The following MTTP variants were observed in gnomAD, a reference collection of about 807,000 sequenced individuals.
The protein encoded by MTTP is microsomal triglyceride transfer protein large subunit.
In MTTP, 49 loss-of-function variants were observed where a neutral mutation model predicts 90.6. The ratio of observed to expected loss-of-function variants is 0.54; its 90% CI spans 0.43 to 0.69. The LOEUF (loss-of-function observed/expected upper bound fraction) is 0.69. Among genes scored for constraint, MTTP ranks in the 30% least tolerant of loss-of-function variants. The pLI is 0.00. For missense variants in MTTP, 945 were observed against 1,067.5 expected, an observed-to-expected ratio of 0.89 and a Z score of 1.60; for synonymous variants, 347 against 384.2, an observed-to-expected ratio of 0.90 and a Z score of 1.13.
intron 8 of MTTP, among the ~76,000 whole-genome samples, chr4:99,600,244 C>CT (rs1302477126): frequency 6.6e-6 from 1 of 152,068 alleles, no homozygotes; most frequent in African/African-American, 2.4e-5. Context: ...AGAATTTGAA[C>CT]TTAATTTATA....
intron 10 of MTTP, among the ~76,000 whole-genome samples, chr4:99,605,225 G>A (rs543331034): frequency 6.6e-6 from 1 of 151,494 alleles, no homozygotes; most frequent in Non-Finnish European, 1.5e-5. Flanking sequence ...CTTCCTCTAG[G>A]TAAAAAAAAT....
rs1726291866 is a variant in MTTP, at chr4:99,623,334, T to A, written c.*486T>A. 6.1e-6 allele frequency: 1 copy of A among 162,838 alleles called. No homozygotes were observed. Among genetic ancestry groups the A allele is most frequent in the African/African-American group, 2.4e-5 (1 of 41,492 alleles). The allele number at this position is 162,838 out of a possible 1,614,324, so 10.1% of individuals were successfully genotyped here. A position where few individuals can be genotyped will look rare whatever the true frequency, so the allele number is the denominator to read the frequency against. On this transcript the variant is annotated 3_prime_UTR_variant, in exon 18 of 18. Transcript: ENST00000265517. Reference sequence around the variant, plus strand: ...CACAAACAAACCATTTTTTTTCTCTTTTTTTGGAGTTGGGGGCCCAGGGAG... The same window carrying A: ...CACAAACAAACCATTTTTTTTCTCTATTTTTGGAGTTGGGGGCCCAGGGAG...
Position 99,594,782 on chromosome 4 carries a change from G to C in MTTP, c.808G>C (p.Gly270Arg). The change falls in exon 7 of 18, where the codon GGA becomes CGA. Residue 270 changes from glycine to arginine, a missense_variant. Transcript: ENST00000265517. ...TTEAGPRLMS[G>R]KQAAAIIKAV... ...CGAAGCAGGCCCAAGATTGATGTCTGGAAAGCAGGCTGCAGCCATAATCAA... is the reference window on the plus strand; with the variant it reads ...CGAAGCAGGCCCAAGATTGATGTCTCGAAAGCAGGCTGCAGCCATAATCAA... 1 of 1,614,056 alleles carries C rather than the reference G, an allele frequency of 6.2e-7. No homozygotes were observed. The highest frequency in any genetic ancestry group is 8.5e-7 in the Non-Finnish European group (1 of 1,179,930).
At chr4:99,584,865 T>A (rs1725218803) in intron 3 of MTTP, among the ~76,000 whole-genome samples, 1 of 152,130 alleles carries the variant, frequency 6.6e-6, no homozygotes, top group African/African-American at 2.4e-5. Context: ...TTCCACTCCC[T>A]CCTTCCCCAA....
At chr4:99,607,005 A>G (rs752674982) in intron 11 of MTTP, 45 bp downstream of exon 11, 1 of 1,543,024 alleles carries the variant, frequency 6.5e-7, no homozygotes, top group Non-Finnish European at 8.9e-7. Flanking sequence ...AAGAAAAAAA[A>G]AAAGCATGCT....
chr4:99,607,043 C>A, intron 11 of MTTP, 83 bp downstream of exon 11: 1 of 1,206,882 alleles, frequency 8.3e-7, no homozygotes, highest in Non-Finnish European at 1.2e-6. Context: ...AAATTCCGCT[C>A]AAGTCACTCT....
chr4:99,591,273 T>A lies in MTTP; in HGVS notation c.540T>A (p.Ala180=), dbSNP rs775473693. 7 of 1,613,958 alleles carry A rather than the reference T, an allele frequency of 4.3e-6. No homozygotes were observed. The highest frequency in any genetic ancestry group is 5.9e-6 in the Non-Finnish European group (7 of 1,179,856). Residue 180 remains alanine (A), a synonymous_variant, in exon 5 of 18, where the codon GCT becomes GCA. Transcript: ENST00000265517. The part of the protein sequence containing the change: ...ISGNCKVTYQ[A]HQDKVIKIKA... ...GAAATTGTAAAGTGACCTACCAGGC[T>A]CATCAAGACAAAGTGATCAAAATTA...
At chr4:99,580,368 A>G (rs142597002) in intron 1 of MTTP, among the ~76,000 whole-genome samples, 6 of 151,600 alleles carry the variant, frequency 4.0e-5, no homozygotes, top group African/African-American at 1.5e-4. Flanking sequence ...TGAGGTTAGG[A>G]GTTCAAGACC....
intron 3 of MTTP, chr4:99,584,126 T>C (rs1394612735): frequency 6.6e-6 from 1 of 152,298 alleles, no homozygotes; most frequent in African/African-American, 2.4e-5. Context: ...AAATTCTATG[T>C]GTGCATTACT....
rs1438501227 is a variant in MTTP, at chr4:99,619,012, G to A, written c.2256G>A (p.Glu752=). Residue 752 remains glutamate (E), a synonymous_variant, in exon 16 of 18, where the codon GAG becomes GAA. Transcript: ENST00000265517. ...AATCTGGACTAAAAGCCAATATAGA[G>A]GTCCAGGGTGGTCTAGCTATTGATA... ...QLQSGLKANI[E]VQGGLAIDIS... 1 of 1,613,506 alleles carries A rather than the reference G, an allele frequency of 6.2e-7. No individual in the cohort carries two copies. The highest frequency in any genetic ancestry group is 2.2e-5 in the East Asian group (1 of 44,818).
chr4:99,611,287 C>A, intron 13 of MTTP, 45 bp from the exon 14 acceptor site: 1 of 1,613,984 alleles, frequency 6.2e-7, no homozygotes, highest in Middle Eastern at 1.7e-4. Context: ...CACAACTTAG[C>A]ATTGCTGGAA....
chr4:99,564,796 C>T (rs1449050750), intron 1 of MTTP, among the ~76,000 whole-genome samples: 1 of 152,068 alleles, frequency 6.6e-6, no homozygotes, highest in African/African-American at 2.4e-5. Flanking sequence ...GTAAATTATC[C>T]TTGAAGATAT....
rs1218922051 is a variant in MTTP, at chr4:99,622,715, G to C, written c.2552G>C (p.Arg851Thr). The C allele has an allele frequency of 6.2e-7, 1 of 1,614,118 alleles. No homozygotes were observed. Among genetic ancestry groups the C allele is most frequent in the Admixed American group, 1.7e-5 (1 of 60,008 alleles). Residue 851 changes from arginine (R) to threonine (T), a missense_variant, in exon 18 of 18, where the codon AGA (arginine) becomes ACA (threonine). By Grantham distance (71) the Arg-to-Thr change is moderately conservative. Coordinates refer to ENST00000265517, the MANE Select transcript of MTTP (RefSeq NM_001386140.1). ...AAGTACGAAAGGCTGTCCACAGGCA[G>C]AGGTTATGTCTCTCAGAAAAGAAAA... Reference protein sequence around the residue: ...EKKYERLSTGRGYVSQKRKES... With the variant: ...EKKYERLSTGTGYVSQKRKES...
At position 99,600,636 on chromosome 4, in the gene MTTP, A is replaced by T. The variant is rs751048376; in HGVS notation, c.1139A>T (p.Asp380Val). 2 of 1,613,762 alleles carry T rather than the reference A, an allele frequency of 1.2e-6. No homozygotes were observed. Among genetic ancestry groups the T allele is most frequent in the Admixed American group, 1.7e-5 (1 of 60,002 alleles). ...DSLEAILDFL[D>V]FKSDSSIILQ... ...TTAGAAGCCATTTTGGACTTTTTGGATTTCAAAAGTGACAGCAGCATTATC... is the reference window on the plus strand; with the variant it reads ...TTAGAAGCCATTTTGGACTTTTTGGTTTTCAAAAGTGACAGCAGCATTATC... Residue 380 changes from aspartate to valine, a missense_variant, in exon 9 of 18, where the codon GAT (aspartate) becomes GTT (valine). Coordinates refer to ENST00000265517, the MANE Select transcript of MTTP (RefSeq NM_001386140.1).
In MTTP at chr4:99,600,668, G is replaced by A. The variant is rs755396476; in HGVS notation, c.1171G>A (p.Glu391Lys). The change falls in exon 9 of 18, where the codon GAG becomes AAG. Residue 391 changes from glutamate (E) to lysine (K), a missense_variant. Glu to Lys is a moderately conservative substitution (Grantham distance 56). Transcript: ENST00000265517. ...FKSDSSIILQERFLYACGFAS... is the reference protein window; with the variant it reads ...FKSDSSIILQKRFLYACGFAS... ...AAGTGACAGCAGCATTATCCTCCAG[G>A]AGAGGTTTCTCTATGCCTGTGGATT... 5.0e-6 allele frequency: 8 copies of A among 1,613,812 alleles called. No homozygotes were observed. In the South Asian group the frequency reaches 5.5e-5, roughly 11 times the overall value.
intron 16 of MTTP, among the ~76,000 whole-genome samples, chr4:99,620,223 C>T (rs1348878336): frequency 6.6e-6 from 1 of 152,194 alleles, no homozygotes; most frequent in African/African-American, 2.4e-5. Context: ...TATTTTTACA[C>T]TGATCATAAC....
chr4:99,616,482 A>T (rs1333892113), intron 15 of MTTP, among the ~76,000 whole-genome samples: 2 of 152,104 alleles, frequency 1.3e-5, no homozygotes, highest in Non-Finnish European at 2.9e-5. Flanking sequence ...TCTGAGCCTG[A>T]TTTTTCCTTT....
intron 12 of MTTP, 25 bp from the exon 13 acceptor site, chr4:99,611,118 C>CA (rs1560624462): frequency 3.8e-6 from 6 of 1,572,896 alleles, no homozygotes; most frequent in Non-Finnish European, 5.2e-6. Context: ...GAATGTGCAG[C>CA]TTTTTTTTTC....
chr4:99,576,466 C>T (rs1283827418), intron 1 of MTTP, among the ~76,000 whole-genome samples: 14 of 151,690 alleles, frequency 9.2e-5, no homozygotes, highest in Non-Finnish European at 5.9e-5. Context: ...GAGGCCGAGG[C>T]GGGCGGATCA....
Sources: gnomAD v4.1 joint callset for allele counts (sites outside exome capture counted in the v4.1 genomes callset) on GRCh38, gnomAD v4.1.1 for gene constraint, MANE v1.5 for transcripts, NCBI Gene and HGNC (gene_info 2026-07-23, HGNC 2026-07-21) for gene names.